LYST: variants seen among roughly 807,000 people sequenced by gnomAD.
LYST encodes the protein lysosomal trafficking regulator, also known as lysosomal-trafficking regulator.
A neutral mutation model predicts 413.6 loss-of-function variants in LYST; 192 were observed. The observed-to-expected ratio is 0.46, with a 90% CI of 0.41 to 0.52. The LOEUF (loss-of-function observed/expected upper bound fraction) is 0.52, where lower values mean the gene tolerates loss of function less well. Ranked by LOEUF, LYST falls within the 20% of genes least tolerant of loss-of-function variation. LYST has a pLI of 0.00. For missense variants in LYST, 3,815 were observed against 4,499.9 expected (o/e 0.85, Z 4.35); for synonymous variants, 1,525 against 1,567.3 (o/e 0.97, Z 0.64).
Position 235,777,146 on chromosome 1 carries a change from G to T in LYST, c.5377C>A (p.Leu1793Ile). Residue 1793 changes from leucine (L) to isoleucine (I), a missense_variant, in exon 17 of 53, where the codon CTC becomes ATC. By Grantham distance (5) the Leu-to-Ile change is conservative (BLOSUM62 2). Around this residue, in one of 4 missense-constraint regions of LYST, gnomAD observed 530 missense variants for 696.5 expected, o/e 0.76. Coordinates refer to ENST00000389793, the MANE Select transcript of LYST (RefSeq NM_000081.4). ...ATAGTTTTATATTCAGTAGGTTGGA[G>T]ATTCTTTAGATGATGAGGTTCTAAT... ...ILLEPHHLKNLQPTEYKTIQG... is the reference protein window; with the variant it reads ...ILLEPHHLKNIQPTEYKTIQG... 1 of 1,613,262 alleles carries T rather than the reference G, an allele frequency of 6.2e-7. No homozygotes were observed. The highest frequency in any genetic ancestry group is 8.5e-7 in the Non-Finnish European group (1 of 1,179,356).
chr1:235,757,235 A>G, intron 24 of LYST, 46 bp downstream of exon 24: 1 of 1,317,518 alleles, frequency 7.6e-7, no homozygotes, highest in Non-Finnish European at 1.1e-6. Flanking sequence ...TTACATATAT[A>G]TTTATTTTTC....
chr1:235,748,397 CTTTG>C (rs892176191), intron 28 of LYST, among the ~76,000 whole-genome samples: 5 of 151,788 alleles, frequency 3.3e-5, no homozygotes, highest in East Asian at 1.9e-4. Flanking sequence ...GCAAAAAAAC[CTTTG>C]TTTATCTATA....
intron 49 of LYST, 43 bp downstream of exon 49, chr1:235,677,437 A>G (rs531759512): frequency 6.3e-7 from 1 of 1,594,436 alleles, no homozygotes; most frequent in Admixed American, 1.7e-5. Flanking sequence ...AAAAATGGAT[A>G]TATTAAAAAT....
At chr1:235,872,423 CAT>C (rs1319434917) in intron 1 of LYST, among the ~76,000 whole-genome samples, 2 of 151,806 alleles carry the variant, frequency 1.3e-5, no homozygotes, top group Admixed American at 1.3e-4. Context: ...GCACTGTAGA[CAT>C]GTGATTGGAC....
intron 3 of LYST, among the ~76,000 whole-genome samples, chr1:235,815,690 C>T (rs1673976303): frequency 6.6e-6 from 1 of 152,050 alleles, no homozygotes; most frequent in Non-Finnish European, 1.5e-5. Context: ...TCACAACAGT[C>T]ACAGAAAGAA....
chr1:235,793,787 A>G (rs1378538454), intron 10 of LYST, among the ~76,000 whole-genome samples, 175 bp from the exon 11 acceptor site: 1 of 152,126 alleles, frequency 6.6e-6, no homozygotes, highest in East Asian at 1.9e-4. Context: ...AATGTAAATC[A>G]ACCAACCAAC....
chr1:235,711,697 G>T (rs187346920), intron 43 of LYST, among the ~76,000 whole-genome samples: 42 of 152,096 alleles, frequency 2.8e-4, no homozygotes, highest in African/African-American at 9.4e-4. Context: ...TGAGATTTCA[G>T]TTAATTTACA....
At chr1:235,830,164 C>T in intron 3 of LYST, 62 bp downstream of exon 3, 1 of 1,278,310 alleles carries the variant, frequency 7.8e-7, no homozygotes, top group Non-Finnish European at 1.1e-6. Context: ...AATCCAAAAC[C>T]ATGTAGCTAC....
intron 1 of LYST, among the ~76,000 whole-genome samples, chr1:235,848,963 T>G (rs957889837): frequency 2.0e-5 from 3 of 152,096 alleles, no homozygotes; most frequent in African/African-American, 7.2e-5. Flanking sequence ...ACCAATCCTT[T>G]TGACACTATT....
At chr1:235,864,658 G>A (rs1211788083) in intron 1 of LYST, among the ~76,000 whole-genome samples, 2 of 152,210 alleles carry the variant, frequency 1.3e-5, no homozygotes, top group Admixed American at 6.5e-5. Flanking sequence ...GGGGCCGAGC[G>A]CAGTGGCTCA....
chr1:235,812,662 A>G (rs1367007252), intron 4 of LYST, among the ~76,000 whole-genome samples: 1 of 152,134 alleles, frequency 6.6e-6, no homozygotes, highest in African/African-American at 2.4e-5. Flanking sequence ...TTTCACTTCC[A>G]ACTTTTCACT....
chr1:235,692,506 G>C (rs1297793193), intron 47 of LYST, among the ~76,000 whole-genome samples: 1 of 151,734 alleles, frequency 6.6e-6, no homozygotes, highest in Non-Finnish European at 1.5e-5. Flanking sequence ...TCAGCCTCCT[G>C]AGTAGCTGGA....
chr1:235,689,102 T>C (rs1240136007), intron 47 of LYST, among the ~76,000 whole-genome samples: 1 of 151,530 alleles, frequency 6.6e-6, no homozygotes, highest in Admixed American at 6.6e-5. Context: ...TGAACAAAAA[T>C]ATATCTTTAG....
intron 1 of LYST, among the ~76,000 whole-genome samples, chr1:235,843,954 G>A (rs1677502998): frequency 6.6e-6 from 1 of 152,142 alleles, no homozygotes; most frequent in Non-Finnish European, 1.5e-5. Context: ...TAGTATTAGA[G>A]AAGTTGCCAT....
chr1:235,742,978 A>C (rs1412603496), intron 30 of LYST, among the ~76,000 whole-genome samples: 2 of 152,176 alleles, frequency 1.3e-5, no homozygotes, highest in Non-Finnish European at 2.9e-5. Flanking sequence ...ATTATTGTTA[A>C]TCTCTTACTA....
intron 1 of LYST, among the ~76,000 whole-genome samples, chr1:235,836,175 T>C (rs551343101): frequency 6.6e-6 from 1 of 152,344 alleles, no homozygotes; most frequent in African/African-American, 2.4e-5. Context: ...ATTTAATGTA[T>C]TAGCTACCTC....
intron 3 of LYST, chr1:235,828,111 C>A: frequency 1.1e-6 from 1 of 941,158 alleles, no homozygotes; most frequent in Non-Finnish European, 1.3e-6. Context: ...ACACTACAGA[C>A]TAGCAAAATA....
chr1:235,743,942 T>G, intron 30 of LYST, 37 bp downstream of exon 30: 1 of 1,093,392 alleles, frequency 9.1e-7, no homozygotes, highest in Non-Finnish European at 1.4e-6. Context: ...ATTTCCTTTG[T>G]GTGAATGAAC....
chr1:235,690,492 G>A (rs1660560910), intron 47 of LYST, among the ~76,000 whole-genome samples: 1 of 152,108 alleles, frequency 6.6e-6, no homozygotes, highest in African/African-American at 2.4e-5. Context: ...TCTGGTTAAT[G>A]CAGCCTGATG....
Sources: allele counts gnomAD v4.1 joint callset (sites outside exome capture counted in the v4.1 genomes callset), GRCh38; gene constraint gnomAD v4.1.1; regional missense constraint gnomAD v4.1.1; transcripts MANE v1.5; gene names NCBI Gene and HGNC (gene_info 2026-07-23, HGNC 2026-07-21).